The following ATXN10 variants were observed in gnomAD, a reference collection of about 807,000 sequenced individuals.
The protein encoded by ATXN10 is ataxin 10.
Under a neutral mutation model 52.9 loss-of-function variants are expected in ATXN10, and 28 were observed. The ratio of observed to expected loss-of-function variants is 0.53; its 90% CI spans 0.39 to 0.73. The LOEUF is 0.73. Among genes scored for constraint, ATXN10 ranks in the 30% least tolerant of loss-of-function variants. The probability of loss-of-function intolerance (pLI) is 0.00; values close to 1 mark genes in which losing one functional copy is unlikely to be tolerated. For synonymous variants in ATXN10, 226 were observed against 221.5 expected, an observed-to-expected ratio of 1.02 and a Z score of -0.18; for missense variants, 565 against 577.0, an observed-to-expected ratio of 0.98 and a Z score of 0.21.
chr22:45,773,521 C>T (rs951650412), intron 9 of ATXN10, among the ~76,000 whole-genome samples: 3 of 151,966 alleles, frequency 2.0e-5, no homozygotes, highest in Admixed American at 6.6e-5. Context: ...TGCAGTGGTG[C>T]AATCTCGGCT....
intron 9 of ATXN10, among the ~76,000 whole-genome samples, chr22:45,746,224 A>G (rs1569046922): frequency 1.3e-5 from 2 of 151,150 alleles, no homozygotes; most frequent in South Asian, 2.1e-4. Context: ...AACATGATCA[A>G]TTTTTAGTGG....
chr22:45,745,197 G>C (rs1925682124), intron 9 of ATXN10, among the ~76,000 whole-genome samples: 1 of 152,106 alleles, frequency 6.6e-6, no homozygotes, highest in Non-Finnish European at 1.5e-5. Flanking sequence ...GGAATGTATG[G>C]TTTACCTTTT....
chr22:45,748,933 T>TAA (rs1925840652), intron 9 of ATXN10, among the ~76,000 whole-genome samples: 1 of 152,210 alleles, frequency 6.6e-6, no homozygotes, highest in Non-Finnish European at 1.5e-5. Flanking sequence ...TTTAAAAGAC[T>TAA]AAAGGATGGT....
rs1317175186 is a variant in ATXN10 at position 45,684,755 on chromosome 22, G to T, written c.117-4957G>T. 6.6e-6 allele frequency among the ~76,000 whole-genome samples: 1 copy of T among 152,224 alleles called. No homozygotes were observed. The highest frequency in any genetic ancestry group is 1.9e-4 in the East Asian group (1 of 5,200). On this transcript the variant is annotated intron_variant, in intron 1 of 11. Transcript: ENST00000252934. This position sits in a 1 kb window ranked among gnomAD's most constrained non-coding sequence, Gnocchi z 4.1. ...AGGACGGCTTCGGAATCCTGGATGTGACAGAAGAGGAGAGAAGAGTGTGAA... is the reference window on the plus strand; with the variant it reads ...AGGACGGCTTCGGAATCCTGGATGTTACAGAAGAGGAGAGAAGAGTGTGAA...
Position 45,809,426 on chromosome 22 carries a change from A to C in ATXN10, c.1237+2404A>C, listed in dbSNP as rs1928208513. Among the ~76,000 whole-genome samples the C allele has an allele frequency of 2.0e-5, 3 of 152,100 alleles. No homozygotes were observed. In the South Asian group the frequency reaches 6.2e-4, roughly 32 times the overall value. On this transcript the variant is annotated intron_variant, in intron 10 of 11. Coordinates refer to ENST00000252934, the MANE Select transcript of ATXN10 (RefSeq NM_013236.4). The stretch of plus-strand genomic sequence containing the variant: ...ATAAGGGAACAATATCTCTAGCTCC[A>C]CTTTTTACACTTTTTAATTCACTCT...
chr22:45,748,196 A>C (rs1251445602), intron 9 of ATXN10, among the ~76,000 whole-genome samples: 27 of 151,870 alleles, frequency 1.8e-4, no homozygotes, highest in Admixed American at 1.8e-3. Flanking sequence ...AAAAAAAAGT[A>C]TATAATGGAT....
rs1407804021 is a variant in ATXN10, at chr22:45,750,670, T to C, written c.1173+10132T>C. 1.3e-5 allele frequency among the ~76,000 whole-genome samples: 2 copies of C among 152,224 alleles called. No homozygotes were observed. The highest frequency in any genetic ancestry group is 4.8e-5 in the African/African-American group (2 of 41,448). ...AATAATTGAGGAATTGTCATATCAA[T>C]ATTAAAATATACTTTAAGGCTAAAA... On this transcript the variant is annotated intron_variant, in intron 9 of 11. Coordinates refer to ENST00000252934, the MANE Select transcript of ATXN10 (RefSeq NM_013236.4). The surrounding 1 kb of genome is among the most constrained non-coding windows in gnomAD (Gnocchi z 4.2).
intron 10 of ATXN10, among the ~76,000 whole-genome samples, chr22:45,812,531 A>G (rs1445828797): frequency 6.6e-6 from 1 of 152,018 alleles, no homozygotes; most frequent in Non-Finnish European, 1.5e-5. Context: ...GAGTTCTTTG[A>G]CTCGGGTAAA....
intron 9 of ATXN10, among the ~76,000 whole-genome samples, chr22:45,742,974 G>T (rs1925594496): frequency 6.6e-6 from 1 of 152,212 alleles, no homozygotes; most frequent in South Asian, 2.1e-4. Flanking sequence ...TTCTTTTGTT[G>T]CTAATTTGGA....
intron 10 of ATXN10, among the ~76,000 whole-genome samples, chr22:45,838,953 C>T (rs956800715): frequency 6.6e-6 from 1 of 152,178 alleles, no homozygotes; most frequent in Non-Finnish European, 1.5e-5. Flanking sequence ...ACAACACAAA[C>T]CCCAAAATGT....
At chr22:45,741,813 G>A (rs899754155) in intron 9 of ATXN10, among the ~76,000 whole-genome samples, 6 of 152,186 alleles carry the variant, frequency 3.9e-5, no homozygotes, top group East Asian at 1.9e-4. Context: ...GAAGACACTC[G>A]AATTTGACAC....
rs750548279 is a variant in ATXN10 at position 45,689,689 on chromosome 22, G to A, written c.117-23G>A. The stretch of plus-strand genomic sequence containing the variant: ...AATCATAATCTTTTTTTTCTGATTC[G>A]TGATAATTTTATCCTTTTTCAGAGA... On this transcript the variant is annotated intron_variant, in intron 1 of 11. Coordinates refer to ENST00000252934, the MANE Select transcript of ATXN10 (RefSeq NM_013236.4). The A allele has an allele frequency of 1.7e-5, 27 of 1,603,038 alleles. No individual in the cohort carries two copies. The South Asian group carries it at 2.2e-4, about 13-fold the overall frequency.
chr22:45,837,965 T>A lies in ATXN10; in HGVS notation c.1238-5026T>A, dbSNP rs1929223142. ...CGACAGAGCAGTGACCAGAACAGAG[T>A]TCCTGTCGCCCTGGAGTCTACATTT... On this transcript the variant is annotated intron_variant, in intron 10 of 11. Transcript: ENST00000252934. This position sits in a 1 kb window ranked among gnomAD's most constrained non-coding sequence, Gnocchi z 5.8. Among the ~76,000 whole-genome samples, 1 of 152,182 alleles carries A rather than the reference T, an allele frequency of 6.6e-6. No individual in the cohort carries two copies. The highest frequency in any genetic ancestry group is 1.5e-5 in the Non-Finnish European group (1 of 68,036).
intron 10 of ATXN10, among the ~76,000 whole-genome samples, chr22:45,832,718 A>G (rs1416874738): frequency 6.6e-6 from 1 of 152,244 alleles, no homozygotes; most frequent in Non-Finnish European, 1.5e-5. Flanking sequence ...TTTTGTTCAT[A>G]TCTAAATCCC....
At chr22:45,796,676 C>T (rs890105115) in intron 9 of ATXN10, among the ~76,000 whole-genome samples, 2 of 152,104 alleles carry the variant, frequency 1.3e-5, no homozygotes, top group Non-Finnish European at 2.9e-5. Flanking sequence ...GGGCTGGTTC[C>T]CCCGATAGAT....
intron 9 of ATXN10, among the ~76,000 whole-genome samples, chr22:45,748,085 G>C (rs1925804566): frequency 6.6e-6 from 1 of 152,004 alleles, no homozygotes; most frequent in Non-Finnish European, 1.5e-5. Context: ...GGGCTGAGGT[G>C]GGACGGTTGA....
intron 10 of ATXN10, among the ~76,000 whole-genome samples, chr22:45,838,637 A>G (rs1031074364): frequency 6.6e-6 from 1 of 152,214 alleles, no homozygotes; most frequent in African/African-American, 2.4e-5. Flanking sequence ...GGCAATGTGA[A>G]TATTAACTGA....
At chr22:45,758,105 G>A (rs951706373) in intron 9 of ATXN10, among the ~76,000 whole-genome samples, 1 of 152,228 alleles carries the variant, frequency 6.6e-6, no homozygotes, top group African/African-American at 2.4e-5. Context: ...ACCTGGTGCT[G>A]CCTCCACACC....
At chr22:45,753,791 A>G (rs1926078546) in intron 9 of ATXN10, among the ~76,000 whole-genome samples, 1 of 152,150 alleles carries the variant, frequency 6.6e-6, no homozygotes, top group African/African-American at 2.4e-5. Flanking sequence ...GCTGCCTGTG[A>G]TAATGGTCTT....
Sources: allele counts gnomAD v4.1 joint callset (sites outside exome capture counted in the v4.1 genomes callset), GRCh38; gene constraint gnomAD v4.1.1; non-coding constraint Gnocchi (gnomAD v3.1); transcripts MANE v1.5; gene names NCBI Gene and HGNC (gene_info 2026-07-23, HGNC 2026-07-21).